Variants in IRAK1BP1 observed in about 807,000 individuals in gnomAD.
The protein encoded by IRAK1BP1 is interleukin-1 receptor-associated kinase 1-binding protein 1.
IRAK1BP1 carries 24 observed loss-of-function variants against 28.0 expected under a neutral mutation model. The ratio of observed to expected loss-of-function variants is 0.86; its 90% CI spans 0.62 to 1.20. The LOEUF (loss-of-function observed/expected upper bound fraction) is 1.20. Ranked by LOEUF, IRAK1BP1 falls within the 50% of genes most tolerant of loss-of-function variation. The pLI is 0.00. For synonymous variants in IRAK1BP1, 131 were observed against 116.3 expected (o/e 1.13, Z -0.81); for missense variants, 336 against 316.7 (o/e 1.06, Z -0.46).
In IRAK1BP1 at chr6:78,867,904, C is replaced by CG. The variant is rs772914982; in HGVS notation, c.315+18dup. On this transcript the variant is annotated intron_variant, in intron 1 of 3. Coordinates refer to ENST00000369940, the MANE Select transcript of IRAK1BP1 (RefSeq NM_001010844.4). ...GCAGGGCGTGCAGGTGAGATCTCCGCGGGGGAGGAAATAAGAGCCGGAAGA... is the reference window on the plus strand; with the variant it reads ...GCAGGGCGTGCAGGTGAGATCTCCGCGGGGGGAGGAAATAAGAGCCGGAAGA... The CG allele has an allele frequency of 1.4e-5, 22 of 1,555,930 alleles. No individual in the cohort carries two copies. The South Asian group carries it at 2.5e-4, about 18-fold the overall frequency.
chr6:78,941,080 A>G (rs551541016), intron 4 of IRAK1BP1: 1 of 1,614,090 alleles, frequency 6.2e-7, no homozygotes, highest in African/African-American at 1.3e-5. Context: ...CAGAAAGAAA[A>G]TTGCATGTTG....
intron 1 of IRAK1BP1, among the ~76,000 whole-genome samples, chr6:78,869,844 C>G (rs767835690): frequency 3.0e-4 from 46 of 151,834 alleles, no homozygotes; most frequent in Non-Finnish European, 5.2e-4. Context: ...CGTGGTGGCT[C>G]ACGCCTGTAA....
At chr6:78,923,352 T>C (rs1161247513) in intron 4 of IRAK1BP1, among the ~76,000 whole-genome samples, 1 of 152,078 alleles carries the variant, frequency 6.6e-6, no homozygotes, top group East Asian at 1.9e-4. Context: ...AGGTATCAAT[T>C]CAACAAGAAG....
chr6:78,896,700 C>T (rs1030712301), intron 2 of IRAK1BP1, among the ~76,000 whole-genome samples: 3 of 151,782 alleles, frequency 2.0e-5, no homozygotes, highest in African/African-American at 7.3e-5. Context: ...TGGCACGTTC[C>T]GGTAGTCCCA....
At chr6:78,954,885 A>G in the IRAK1BP1 span, 2 of 1,587,372 alleles carry the variant, frequency 1.3e-6, no homozygotes, top group African/African-American at 2.7e-5. Flanking sequence ...AGATTTAACA[A>G]TTCTTCACAC....
intron 4 of IRAK1BP1, among the ~76,000 whole-genome samples, chr6:78,930,191 T>C (rs1773006605): frequency 6.6e-6 from 1 of 152,118 alleles, no homozygotes; most frequent in South Asian, 2.1e-4. Context: ...AGTGCTGAGA[T>C]TACAGTTGTG....
intron 2 of IRAK1BP1, 51 bp downstream of exon 2, chr6:78,885,494 A>AT: frequency 1.2e-6 from 1 of 860,598 alleles, no homozygotes; most frequent in African/African-American, 1.8e-5. Flanking sequence ...GGAGACAGTC[A>AT]TTTTTATTCT....
downstream of IRAK1BP1, among the ~76,000 whole-genome samples, chr6:78,950,478 ATTTG>A (rs1774082913): frequency 6.6e-6 from 1 of 152,178 alleles, no homozygotes; most frequent in South Asian, 2.1e-4. Flanking sequence ...AGGACTAGAC[ATTTG>A]TTTTTTGAAA....
At chr6:78,916,296 C>T (rs951327546) in intron 4 of IRAK1BP1, among the ~76,000 whole-genome samples, 2 of 151,806 alleles carry the variant, frequency 1.3e-5, no homozygotes, top group African/African-American at 4.8e-5. Flanking sequence ...TTGTTAAATC[C>T]TAGATATCAG....
rs1771949921 is a variant in IRAK1BP1 at position 78,897,899 on chromosome 6, G to T, written c.452G>T (p.Ser151Ile). The T allele has an allele frequency of 1.2e-6, 2 of 1,613,916 alleles. No individual in the cohort carries two copies. Among genetic ancestry groups the T allele is most frequent in the Non-Finnish European group, 1.7e-6 (2 of 1,179,884 alleles). The change falls in exon 3 of 4, where the codon AGC becomes ATC. Residue 151 changes from serine (S) to isoleucine (I), a missense_variant. By Grantham distance (142) the Ser-to-Ile change is moderately radical. Coordinates refer to ENST00000369940, the MANE Select transcript of IRAK1BP1 (RefSeq NM_001010844.4). ...AACTTTCTTGTTGAAAAGCTAGATA[G>T]CTCTGTTGTCATCAGCCCACCCCAG... ...ICNFLVEKLD[S>I]SVVISPPQFY...
At chr6:78,879,549 C>G (rs1464860458) in intron 1 of IRAK1BP1, among the ~76,000 whole-genome samples, 1 of 152,122 alleles carries the variant, frequency 6.6e-6, no homozygotes, top group African/African-American at 2.4e-5. Flanking sequence ...CACCTCACAC[C>G]TTATACAAAA....
intron 4 of IRAK1BP1, chr6:78,938,252 T>C (rs1037405753): frequency 5.3e-5 from 8 of 151,794 alleles, no homozygotes; most frequent in Admixed American, 4.6e-4. Context: ...TCTAATAATG[T>C]CCAAATAAGG....
chr6:78,978,560 G>GA, the IRAK1BP1 span: 2 of 1,537,304 alleles, frequency 1.3e-6, no homozygotes, highest in African/African-American at 1.4e-5. Context: ...ACTATGTGAG[G>GA]AAAAATGGAT....
chr6:78,965,092 A>G, the IRAK1BP1 span, among the ~76,000 whole-genome samples: 13 of 152,286 alleles, frequency 8.5e-5, 1 homozygote, highest in South Asian at 2.7e-3. Context: ...GTGTCAGGCC[A>G]TATGCATAAT....
At chr6:78,885,681 T>C (rs1562081369) in intron 2 of IRAK1BP1, among the ~76,000 whole-genome samples, 1 of 152,142 alleles carries the variant, frequency 6.6e-6, no homozygotes, top group African/African-American at 2.4e-5. Flanking sequence ...TGCCACTAAA[T>C]ACAGTTTTAG....
intron 2 of IRAK1BP1, among the ~76,000 whole-genome samples, chr6:78,886,681 A>C (rs1025711376): frequency 4.6e-5 from 7 of 152,206 alleles, no homozygotes; most frequent in African/African-American, 1.7e-4. Context: ...ATAAGAAAAA[A>C]GAAACAGTTC....
At chr6:78,916,819 C>G (rs534146783) in intron 4 of IRAK1BP1, among the ~76,000 whole-genome samples, 149 of 152,150 alleles carry the variant, frequency 9.8e-4, no homozygotes, top group African/African-American at 3.3e-3. Context: ...TGGCACACAC[C>G]TGTAGTCCCA....
At chr6:78,872,825 C>T (rs913976691) in intron 1 of IRAK1BP1, among the ~76,000 whole-genome samples, 3 of 152,090 alleles carry the variant, frequency 2.0e-5, no homozygotes, top group Non-Finnish European at 2.9e-5. Flanking sequence ...CTTAGCAGTC[C>T]AAGAAATGAT....
intron 2 of IRAK1BP1, among the ~76,000 whole-genome samples, chr6:78,895,513 A>G (rs1303428012): frequency 6.6e-6 from 1 of 152,186 alleles, no homozygotes; most frequent in Non-Finnish European, 1.5e-5. Context: ...ATGGACACAC[A>G]CACGTATCCT....
Sources: gnomAD v4.1 joint callset for allele counts (sites outside exome capture counted in the v4.1 genomes callset) on GRCh38, gnomAD v4.1.1 for gene constraint, MANE v1.5 for transcripts, NCBI Gene and HGNC (gene_info 2026-07-23, HGNC 2026-07-21) for gene names.